ARSB: variants seen among roughly 807,000 people sequenced by gnomAD.
The protein encoded by ARSB is N-acetylgalactosamine-4-sulfatase.
Under a neutral mutation model 50.9 loss-of-function variants are expected in ARSB, and 41 were observed. The ratio of observed to expected loss-of-function variants is 0.81; its 90% confidence interval spans 0.63 to 1.04. The LOEUF (loss-of-function observed/expected upper bound fraction) is 1.04, where lower values mean the gene tolerates loss of function less well. ARSB is among the 50% of genes least tolerant of loss of function. The probability of loss-of-function intolerance (pLI) is 0.00; values close to 1 mark genes in which losing one functional copy is unlikely to be tolerated. For synonymous variants in ARSB, 269 were observed against 284.8 expected (o/e 0.94, Z 0.56); for missense variants, 672 against 693.3 (o/e 0.97, Z 0.35).
At chr5:78,803,365 C>T (rs935741279) in intron 6 of ARSB, among the ~76,000 whole-genome samples, 3 of 152,344 alleles carry the variant, frequency 2.0e-5, no homozygotes, top group East Asian at 1.9e-4. Context: ...GAGAGAAAGT[C>T]GGCAGCTTAC....
intron 5 of ARSB, among the ~76,000 whole-genome samples, chr5:78,853,348 G>A (rs533476431): frequency 9.2e-5 from 14 of 152,356 alleles, no homozygotes; most frequent in African/African-American, 1.4e-4. Context: ...CTGGGTATCA[G>A]CAGCGGTGGC....
At chr5:78,842,473 G>T (rs541343324) in intron 5 of ARSB, among the ~76,000 whole-genome samples, 2 of 152,148 alleles carry the variant, frequency 1.3e-5, no homozygotes, top group Admixed American at 6.6e-5. Flanking sequence ...CAGACCCTGC[G>T]CAGGGCCCAC....
At chr5:78,807,962 G>A (rs1237893483) in intron 6 of ARSB, among the ~76,000 whole-genome samples, 4 of 148,766 alleles carry the variant, frequency 2.7e-5, no homozygotes, top group Admixed American at 6.7e-5. Context: ...GCGTAGTGGC[G>A]GGCGCCTGTA....
chr5:78,984,770 C>A (rs163128), intron 1 of ARSB, among the ~76,000 whole-genome samples, 167 bp downstream of exon 1: 1 of 151,842 alleles, frequency 6.6e-6, no homozygotes, highest in Non-Finnish European at 1.5e-5. Flanking sequence ...GGCGGGCTGC[C>A]GGCCTGGAAG....
At chr5:78,934,833 A>G (rs1038550461) in intron 4 of ARSB, among the ~76,000 whole-genome samples, 8 of 151,984 alleles carry the variant, frequency 5.3e-5, no homozygotes, top group Non-Finnish European at 8.8e-5. Flanking sequence ...AAATGAGAAA[A>G]TGTGGTAGAT....
intron 4 of ARSB, among the ~76,000 whole-genome samples, chr5:78,905,566 G>A (rs1191456601): frequency 1.3e-5 from 2 of 152,074 alleles, no homozygotes; most frequent in African/African-American, 4.8e-5. Context: ...TTGCTATGAG[G>A]TTTGGGTTTG....
At chr5:78,875,216 G>T (rs1189263070) in intron 5 of ARSB, among the ~76,000 whole-genome samples, 2 of 151,900 alleles carry the variant, frequency 1.3e-5, no homozygotes, top group African/African-American at 2.4e-5. Flanking sequence ...AATTTAACTA[G>T]GGAAAAACCC....
At chr5:78,834,607 G>GTGTATATA (rs1185355030) in intron 6 of ARSB, among the ~76,000 whole-genome samples, 993 of 85,602 alleles carry the variant, frequency 0.012, 48 homozygotes, top group African/African-American at 0.036. Flanking sequence ...ATATATATGT[G>GTGTATATA]TATATATATA....
chr5:78,836,800 G>A (rs12658420), intron 6 of ARSB, among the ~76,000 whole-genome samples: 53,437 of 152,002 alleles, frequency 0.35, 10,187 homozygotes, highest in Middle Eastern at 0.43. Flanking sequence ...GTATAAATAA[G>A]AGAGGTTTAA....
At chr5:78,910,201 C>T (rs1749244281) in intron 4 of ARSB, among the ~76,000 whole-genome samples, 1 of 152,218 alleles carries the variant, frequency 6.6e-6, no homozygotes, top group Non-Finnish European at 1.5e-5. Flanking sequence ...ACTGAGGAAA[C>T]CCGGGGACCG....
intron 4 of ARSB, among the ~76,000 whole-genome samples, chr5:78,893,821 T>C (rs1297521171): frequency 6.6e-6 from 1 of 152,236 alleles, no homozygotes; most frequent in East Asian, 1.9e-4. Context: ...AGACCCATGT[T>C]TGATGTATTA....
intron 5 of ARSB, among the ~76,000 whole-genome samples, chr5:78,847,224 C>A (rs527673847): frequency 2.0e-5 from 3 of 152,172 alleles, no homozygotes; most frequent in Admixed American, 2.0e-4. Context: ...ATCTCCCAGA[C>A]TCAAGCAATC....
intron 5 of ARSB, among the ~76,000 whole-genome samples, chr5:78,882,598 G>T (rs1487477908): frequency 6.6e-6 from 1 of 152,030 alleles, no homozygotes; most frequent in Non-Finnish European, 1.5e-5. Flanking sequence ...ATATCCATGC[G>T]ATTGAATGTG....
intron 4 of ARSB, among the ~76,000 whole-genome samples, chr5:78,888,570 T>G (rs772658207): frequency 6.6e-6 from 1 of 152,182 alleles, no homozygotes; most frequent in African/African-American, 2.4e-5. Flanking sequence ...TTCTCTGAGG[T>G]ATTATGTAGT....
At chr5:78,854,171 A>C (rs1163331255) in intron 5 of ARSB, among the ~76,000 whole-genome samples, 1 of 152,274 alleles carries the variant, frequency 6.6e-6, no homozygotes, top group Non-Finnish European at 1.5e-5. Flanking sequence ...TGGGAGCTGT[A>C]GACCGGAGCT....
rs142872281 is a variant in ARSB, at chr5:78,791,557, C to T, written c.1214-9583G>A. Among the ~76,000 whole-genome samples the T allele has an allele frequency of 3.7e-3, 563 of 152,312 alleles. 3 individuals carry two copies. The highest frequency in any genetic ancestry group is 6.8e-3 in the Middle Eastern group (2 of 294). On this transcript the variant is annotated intron_variant, in intron 6 of 7. Coordinates refer to ENST00000264914, the MANE Select transcript of ARSB (RefSeq NM_000046.5). ...CCCTCCCAGATCAGCGCACCCAGGCCGCATCTGAGCGACTGCGCTGGTGCA... is the reference window on the plus strand; with the variant it reads ...CCCTCCCAGATCAGCGCACCCAGGCTGCATCTGAGCGACTGCGCTGGTGCA...
intron 6 of ARSB, among the ~76,000 whole-genome samples, chr5:78,819,273 A>G (rs146475645): frequency 1.3e-5 from 2 of 152,304 alleles, no homozygotes; most frequent in Non-Finnish European, 2.9e-5. Context: ...CTCACTTCCC[A>G]TCCCTCAGCC....
intron 5 of ARSB, among the ~76,000 whole-genome samples, chr5:78,864,803 T>C (rs545989038): frequency 3.3e-5 from 5 of 152,250 alleles, no homozygotes; most frequent in South Asian, 4.1e-4. Flanking sequence ...ATGGGAGAAA[T>C]TGGCCAAAAC....
intron 6 of ARSB, among the ~76,000 whole-genome samples, chr5:78,837,194 GT>G (rs1281923554): frequency 1.3e-5 from 2 of 152,136 alleles, no homozygotes; most frequent in Non-Finnish European, 2.9e-5. Flanking sequence ...GGGTCTTAAG[GT>G]TTTTCATTTG....
Sources: allele counts gnomAD v4.1 joint callset (sites outside exome capture counted in the v4.1 genomes callset), GRCh38; gene constraint gnomAD v4.1.1; transcripts MANE v1.5; gene names NCBI Gene and HGNC (gene_info 2026-07-23, HGNC 2026-07-21).